SSUH2: variants seen among roughly 807,000 people sequenced by gnomAD.
SSUH2 encodes the protein protein SSUH2 homolog.
Under a neutral mutation model 55.3 loss-of-function variants are expected in SSUH2, and 47 were observed. That is an observed-to-expected ratio of 0.85 (90% CI 0.67 to 1.08). The LOEUF (loss-of-function observed/expected upper bound fraction) is 1.08, where lower values mean the gene tolerates loss of function less well. Ranked by LOEUF, SSUH2 falls within the 50% of genes least tolerant of loss-of-function variation. The probability of loss-of-function intolerance (pLI) is 0.00; values close to 1 mark genes in which losing one functional copy is unlikely to be tolerated. For missense variants in SSUH2, 535 were observed against 490.7 expected (o/e 1.09, Z -0.85); for synonymous variants, 212 against 191.5 (o/e 1.11, Z -0.89).
At chr3:8,664,526 AG>A (rs1188164731) in intron 5 of SSUH2, among the ~76,000 whole-genome samples, 1 of 152,236 alleles carries the variant, frequency 6.6e-6, no homozygotes, top group African/African-American at 2.4e-5. Flanking sequence ...CCAAAAGTGT[AG>A]GGGGGCACAA....
chr3:8,681,710 C>T (rs1016628595), intron 1 of SSUH2, among the ~76,000 whole-genome samples: 4 of 141,454 alleles, frequency 2.8e-5, no homozygotes, highest in African/African-American at 5.3e-5. Context: ...CCCATCGCAG[C>T]GGGGGGAGGC....
intron 6 of SSUH2, among the ~76,000 whole-genome samples, chr3:8,662,307 G>C (rs931998407): frequency 2.6e-5 from 4 of 152,224 alleles, no homozygotes; most frequent in African/African-American, 7.2e-5. Flanking sequence ...CAGAAGCTGA[G>C]TGTGAAATGC....
chr3:8,628,053 A>AC (rs1043207175), intron 7 of SSUH2, among the ~76,000 whole-genome samples: 1 of 151,864 alleles, frequency 6.6e-6, no homozygotes, highest in Non-Finnish European at 1.5e-5. Flanking sequence ...CTGAGACCTG[A>AC]CCCCTACCAA....
At chr3:8,659,613 G>T in intron 6 of SSUH2, 1 of 321,520 alleles carries the variant, frequency 3.1e-6, no homozygotes, top group Non-Finnish European at 6.2e-6. Flanking sequence ...GCTGGAGGCC[G>T]GGGGCTGCCC....
intron 1 of SSUH2, among the ~76,000 whole-genome samples, chr3:8,642,611 C>T (rs1461472730): frequency 1.3e-5 from 2 of 152,236 alleles, no homozygotes; most frequent in Non-Finnish European, 2.9e-5. Context: ...CACATGGGTG[C>T]CACATCCCAG....
intron 7 of SSUH2, among the ~76,000 whole-genome samples, chr3:8,628,285 G>T (rs895540963): frequency 6.6e-6 from 1 of 152,188 alleles, no homozygotes; most frequent in African/African-American, 2.4e-5. Flanking sequence ...TGAAAGGGCT[G>T]GTGGAGAAGA....
intron 3 of SSUH2, chr3:8,634,370 C>T (rs1395573902): frequency 1.5e-6 from 2 of 1,291,010 alleles, no homozygotes; most frequent in Admixed American, 4.6e-5. Context: ...CTGGAAGTCC[C>T]TTCCCTGAGG....
In SSUH2 at chr3:8,676,861, GCA is replaced by G. The variant is rs1374882968; in HGVS notation, c.-753+343_-753+344del. 1.5e-3 allele frequency among the ~76,000 whole-genome samples: 222 copies of G among 149,198 alleles called. 4 individuals carry two copies. Among genetic ancestry groups the G allele is most frequent in the South Asian group, 2.6e-3 (12 of 4,638 alleles). ...CCACCTGGCCCTTAGGACCCCCATC[GCA>G]GGGGAGGAGGCATCCCCCGTGAGGC... On this transcript the variant is annotated intron_variant, in intron 3 of 18. Transcript: ENST00000317371.
chr3:8,666,529 G>A (rs565577963), intron 5 of SSUH2, among the ~76,000 whole-genome samples: 1 of 152,246 alleles, frequency 6.6e-6, no homozygotes, highest in African/African-American at 2.4e-5. Flanking sequence ...CACCATTTCT[G>A]GAAGGTGCGT....
chr3:8,661,042 C>T (rs1703430153), intron 6 of SSUH2, among the ~76,000 whole-genome samples: 1 of 152,230 alleles, frequency 6.6e-6, no homozygotes, highest in South Asian at 2.1e-4. Flanking sequence ...AGCTGTCCAG[C>T]CCAGCTGGCC....
intron 11 of SSUH2, among the ~76,000 whole-genome samples, chr3:8,621,155 C>A (rs1466188162): frequency 6.6e-6 from 1 of 152,148 alleles, no homozygotes; most frequent in Non-Finnish European, 1.5e-5. Flanking sequence ...TCCTGTGGGC[C>A]GGGCTCTGTG....
intron 6 of SSUH2, 55 bp from the exon 7 acceptor site, chr3:8,629,781 A>G (rs1449256074): frequency 6.5e-7 from 1 of 1,544,806 alleles, no homozygotes. Flanking sequence ...CTTCTCCCAC[A>G]CCCATAACAT....
intron 7 of SSUH2, among the ~76,000 whole-genome samples, chr3:8,657,510 T>C (rs951800413): frequency 6.6e-6 from 1 of 152,070 alleles, no homozygotes; most frequent in Non-Finnish European, 1.5e-5. Context: ...TCCATGCTCA[T>C]AGACAGTGGG....
At chr3:8,679,350 C>T (rs9843283) in intron 2 of SSUH2, among the ~76,000 whole-genome samples, 1 of 59,924 alleles carries the variant, frequency 1.7e-5, no homozygotes, top group Admixed American at 2.3e-4. Context: ...CTTGCTCTTC[C>T]GACCCCCATC....
chr3:8,620,722 T>G (rs1696256555), intron 11 of SSUH2, among the ~76,000 whole-genome samples: 1 of 152,044 alleles, frequency 6.6e-6, no homozygotes, highest in African/African-American at 2.4e-5. Flanking sequence ...AGCATTAATT[T>G]TTAGATGGAG....
At chr3:8,673,559 G>A (rs114625651) in intron 3 of SSUH2, among the ~76,000 whole-genome samples, 9,438 of 152,170 alleles carry the variant, frequency 0.062, 910 homozygotes, top group African/African-American at 0.21. Context: ...TAATTGATTT[G>A]CTCCAGACTG....
intron 8 of SSUH2, 126 bp downstream of exon 8, chr3:8,627,572 C>G: frequency 1.5e-6 from 1 of 655,398 alleles, no homozygotes; most frequent in East Asian, 3.2e-5. Context: ...GCACCTACTA[C>G]GTGCAGAGCT....
intron 5 of SSUH2, among the ~76,000 whole-genome samples, chr3:8,665,766 A>G (rs1703934274): frequency 6.6e-6 from 1 of 152,228 alleles, no homozygotes; most frequent in Non-Finnish European, 1.5e-5. Context: ...AGATGAAAAT[A>G]GTTCATTTTC....
At position 8,625,590 on chromosome 3, in the gene SSUH2, G is replaced by T; in HGVS notation, c.825C>A (p.Leu275=). ...SEHRLNCPRE[L]LAKAKGENLF... ...GGTTTTCTCCTTTGGCTTTAGCAAG[G>T]AGCTCCCTGGGGCAGTTGAGCCGGT... The change falls in exon 10 of 12, where the codon CTC becomes CTA. Residue 275 remains leucine, a synonymous_variant. Transcript: ENST00000544814. 1.2e-6 allele frequency: 2 copies of T among 1,613,998 alleles called. No homozygotes were observed. The highest frequency in any genetic ancestry group is 2.2e-5 in the South Asian group (2 of 91,040).
Sources: allele counts gnomAD v4.1 joint callset (sites outside exome capture counted in the v4.1 genomes callset), GRCh38; gene constraint gnomAD v4.1.1; transcripts MANE v1.5; gene names NCBI Gene and HGNC (gene_info 2026-07-23, HGNC 2026-07-21).